The following NCAM2 variants were observed in gnomAD, a reference collection of about 807,000 sequenced individuals.
NCAM2 encodes the protein neural cell adhesion molecule 2.
Under a neutral mutation model 98.1 loss-of-function variants are expected in NCAM2, and 30 were observed. That is an observed-to-expected ratio of 0.31 (90% CI 0.23 to 0.41). The LOEUF is 0.41. NCAM2 is among the 10% of genes least tolerant of loss of function. The pLI, the probability that NCAM2 is intolerant of heterozygous loss-of-function variation, is 1.00. For synonymous variants in NCAM2, 368 were observed against 342.4 expected (o/e 1.07, Z -0.83); for missense variants, 867 against 1,005.8 (o/e 0.86, Z 1.87).
intron 8 of NCAM2, among the ~76,000 whole-genome samples, chr21:21,346,856 C>A (rs534845578): frequency 1.6e-4 from 24 of 151,844 alleles, no homozygotes; most frequent in Admixed American, 4.6e-4. Flanking sequence ...ATACAAAAAC[C>A]TATGGGATAT....
At chr21:21,427,234 G>A (rs895372377) in intron 11 of NCAM2, among the ~76,000 whole-genome samples, 61 of 148,118 alleles carry the variant, frequency 4.1e-4, no homozygotes, top group Admixed American at 4.0e-4. Context: ...ACAAAAAAAA[G>A]AGATCTTTAT....
chr21:21,473,195 G>C (rs1984681411), intron 14 of NCAM2, among the ~76,000 whole-genome samples: 1 of 150,916 alleles, frequency 6.6e-6, no homozygotes, highest in Non-Finnish European at 1.5e-5. Context: ...GGACTCACTG[G>C]TCTCTCGATG....
chr21:21,389,849 A>G (rs1404055827), intron 9 of NCAM2, among the ~76,000 whole-genome samples: 1 of 152,154 alleles, frequency 6.6e-6, no homozygotes, highest in Admixed American at 6.5e-5. Context: ...ATTCCATATT[A>G]TGGCTATTAT....
chr21:21,367,076 C>A (rs141643285), intron 8 of NCAM2, among the ~76,000 whole-genome samples: 1 of 152,030 alleles, frequency 6.6e-6, no homozygotes, highest in Non-Finnish European at 1.5e-5. Flanking sequence ...TATCTCTGAC[C>A]ATATTATAAC....
chr21:21,346,166 G>A (rs2075181260), intron 8 of NCAM2, among the ~76,000 whole-genome samples: 1 of 136,198 alleles, frequency 7.3e-6, no homozygotes, highest in Non-Finnish European at 1.5e-5. Context: ...CATCTATAAA[G>A]ACTCACATAG....
chr21:21,152,459 C>T (rs2067475740), intron 1 of NCAM2, among the ~76,000 whole-genome samples: 1 of 151,692 alleles, frequency 6.6e-6, no homozygotes, highest in African/African-American at 2.4e-5. Flanking sequence ...TGTTGGTCGT[C>T]GTGATTATCA....
At chr21:21,512,123 TTGCTTTGTTTA>T (rs1487842584) in intron 16 of NCAM2, among the ~76,000 whole-genome samples, 1 of 152,010 alleles carries the variant, frequency 6.6e-6, no homozygotes, top group African/African-American at 2.4e-5. Context: ...TTGTCCATGT[TTGCTTTGTTTA>T]TGCTTGAGAG....
At chr21:21,362,488 G>T (rs1165538829) in intron 8 of NCAM2, among the ~76,000 whole-genome samples, 1 of 151,708 alleles carries the variant, frequency 6.6e-6, no homozygotes, top group East Asian at 1.9e-4. Flanking sequence ...TGAACTCCTG[G>T]GTCAACCAAT....
At chr21:21,309,049 G>A (rs1224074275) in intron 5 of NCAM2, among the ~76,000 whole-genome samples, 1 of 152,068 alleles carries the variant, frequency 6.6e-6, no homozygotes, top group African/African-American at 2.4e-5. Context: ...TTAAATTTCT[G>A]TGAAGTCTTC....
chr21:21,449,850 G>A (rs532772357), intron 12 of NCAM2, among the ~76,000 whole-genome samples: 1 of 152,096 alleles, frequency 6.6e-6, no homozygotes, highest in African/African-American at 2.4e-5. Flanking sequence ...GATTTCAGAG[G>A]CTGGTACTAT....
chr21:21,275,220 C>T (rs2072680945), intron 1 of NCAM2, among the ~76,000 whole-genome samples: 1 of 151,788 alleles, frequency 6.6e-6, no homozygotes, highest in Non-Finnish European at 1.5e-5. Context: ...GCGGGTGGAT[C>T]ACCAGGTCAG....
chr21:21,004,916 A>G (rs2146112478), intron 1 of NCAM2, among the ~76,000 whole-genome samples: 1 of 152,288 alleles, frequency 6.6e-6, no homozygotes, highest in Middle Eastern at 3.4e-3. Flanking sequence ...ATTCAGTGAA[A>G]CAGAAAGGGC....
intron 16 of NCAM2, among the ~76,000 whole-genome samples, chr21:21,510,039 T>G (rs1442696133): frequency 2.0e-5 from 3 of 152,184 alleles, no homozygotes; most frequent in Non-Finnish European, 4.4e-5. Flanking sequence ...AAACAACTAG[T>G]TGGGTTCCAC....
chr21:21,342,995 G>A (rs1279969480), intron 8 of NCAM2, among the ~76,000 whole-genome samples: 1 of 152,102 alleles, frequency 6.6e-6, no homozygotes, highest in Non-Finnish European at 1.5e-5. Context: ...AGGGCTTCAG[G>A]ATTCTGTTAA....
intron 1 of NCAM2, among the ~76,000 whole-genome samples, chr21:21,074,281 A>G (rs188027907): frequency 1.3e-3 from 197 of 152,178 alleles, no homozygotes; most frequent in African/African-American, 4.7e-3. Flanking sequence ...AATATAAAAT[A>G]AATTTTACAT....
chr21:21,428,930 A>C (rs1411492771), intron 11 of NCAM2, among the ~76,000 whole-genome samples: 1 of 152,176 alleles, frequency 6.6e-6, no homozygotes, highest in Non-Finnish European at 1.5e-5. Flanking sequence ...ACATGTATCT[A>C]TCTGTATGCA....
Position 21,286,427 on chromosome 21 carries a change from A to G in NCAM2, c.481+15A>G. 1 of 1,610,370 alleles carries G rather than the reference A, an allele frequency of 6.2e-7. No individual in the cohort carries two copies. The highest frequency in any genetic ancestry group is 8.5e-7 in the Non-Finnish European group (1 of 1,177,588). ...TATTTCCGACAGTTAGTATTTTGGT[A>G]ACTCCCTAAGTTATATGTTCTAATA... On this transcript the variant is annotated intron_variant, in intron 4 of 17. Transcript: ENST00000400546.
intron 1 of NCAM2, among the ~76,000 whole-genome samples, chr21:21,159,278 T>C (rs1441066160): frequency 1.3e-5 from 2 of 152,096 alleles, no homozygotes; most frequent in African/African-American, 4.8e-5. Flanking sequence ...TAAATTACAG[T>C]AAGCTATTAT....
At chr21:21,099,017 A>G (rs1323830721) in intron 1 of NCAM2, among the ~76,000 whole-genome samples, 1 of 151,904 alleles carries the variant, frequency 6.6e-6, no homozygotes, top group Non-Finnish European at 1.5e-5. Flanking sequence ...TGATATGACC[A>G]TCAGTGGATT....
Sources: allele counts gnomAD v4.1 joint callset (sites outside exome capture counted in the v4.1 genomes callset), GRCh38; gene constraint gnomAD v4.1.1; transcripts MANE v1.5; gene names NCBI Gene and HGNC (gene_info 2026-07-23, HGNC 2026-07-21).